Variants in TMEM182 observed in about 807,000 individuals in gnomAD.
TMEM182 encodes transmembrane protein 182.
Under a neutral mutation model 26.8 loss-of-function variants are expected in TMEM182, and 20 were observed. The ratio of observed to expected loss-of-function variants is 0.75; its 90% CI spans 0.53 to 1.09. TMEM182 has a LOEUF of 1.09. TMEM182 is among the 50% of genes least tolerant of loss of function. TMEM182 has a pLI of 0.00. For missense variants in TMEM182, 277 were observed against 275.5 expected (o/e 1.01, Z -0.04); for synonymous variants, 109 against 102.2 (o/e 1.07, Z -0.40).
At chr2:102,788,714 T>G (rs1340260083) in intron 3 of TMEM182, among the ~76,000 whole-genome samples, 1 of 151,990 alleles carries the variant, frequency 6.6e-6, no homozygotes, top group Non-Finnish European at 1.5e-5. Context: ...GGACTCAAGG[T>G]CACTGCCAGA....
chr2:102,805,267 G>A (rs1682304298), intron 4 of TMEM182, among the ~76,000 whole-genome samples: 1 of 152,178 alleles, frequency 6.6e-6, no homozygotes, highest in African/African-American at 2.4e-5. Flanking sequence ...GCACTAATAT[G>A]GGAGAAAATG....
intron 3 of TMEM182, among the ~76,000 whole-genome samples, chr2:102,828,712 C>T (rs962399454): frequency 1.3e-5 from 2 of 152,168 alleles, no homozygotes; most frequent in Admixed American, 6.5e-5. Flanking sequence ...CCACACTAGG[C>T]TACCCCACAA....
At chr2:102,798,917 A>G (rs1681995477) in intron 4 of TMEM182, among the ~76,000 whole-genome samples, 1 of 152,218 alleles carries the variant, frequency 6.6e-6, no homozygotes, top group Non-Finnish European at 1.5e-5. Context: ...GCTTGCATTT[A>G]TTTTAGTTAG....
chr2:102,828,498 A>C (rs1441227734), intron 3 of TMEM182, among the ~76,000 whole-genome samples: 1 of 152,240 alleles, frequency 6.6e-6, no homozygotes, highest in African/African-American at 2.4e-5. Context: ...CTTTGCAAAA[A>C]AAGTCATTAG....
chr2:102,790,240 T>C (rs2732811), intron 3 of TMEM182, among the ~76,000 whole-genome samples: 118,100 of 152,202 alleles, frequency 0.78, 46,323 homozygotes, highest in African/African-American at 0.86. Flanking sequence ...TGCCCATTTG[T>C]TAAGCAAGCC....
chr2:102,790,416 A>G (rs913966091), intron 3 of TMEM182, among the ~76,000 whole-genome samples: 2 of 152,124 alleles, frequency 1.3e-5, no homozygotes, highest in Non-Finnish European at 2.9e-5. Flanking sequence ...TTTTTACTCT[A>G]TTTCTCTGGA....
intron 4 of TMEM182, among the ~76,000 whole-genome samples, chr2:102,802,863 A>G (rs1682205683): frequency 6.6e-6 from 1 of 152,240 alleles, no homozygotes; most frequent in Non-Finnish European, 1.5e-5. Flanking sequence ...ACATCAAGCT[A>G]GAAACATTTT....
intron 3 of TMEM182, among the ~76,000 whole-genome samples, chr2:102,774,737 G>T (rs1680836489): frequency 6.6e-6 from 1 of 151,948 alleles, no homozygotes; most frequent in Non-Finnish European, 1.5e-5. Flanking sequence ...AGTTGCTTTT[G>T]CATTTTTGTC....
rs374034571 is a variant in TMEM182 at position 102,753,727 on chromosome 2, A to G, written c.-82-4662A>G. ...AACAACTGACTGTAATGTTCGTTGG[A>G]ATGCAAATTTTGCCTATGGCCAGCA... On this transcript the variant is annotated intron_variant, in intron 1 of 5. Coordinates refer to the TMEM182 transcript ENST00000409173. 7.4e-4 allele frequency among the ~76,000 whole-genome samples: 113 copies of G among 152,292 alleles called. 1 individual carries two copies. The highest frequency in any genetic ancestry group is 2.6e-3 in the African/African-American group (108 of 41,568).
chr2:102,807,544 T>C (rs1327985663), intron 4 of TMEM182, among the ~76,000 whole-genome samples: 3 of 152,256 alleles, frequency 2.0e-5, no homozygotes, highest in Non-Finnish European at 2.9e-5. Context: ...TCAGAAAGAT[T>C]GTCTAAATAT....
intron 4 of TMEM182, among the ~76,000 whole-genome samples, chr2:102,809,880 G>A (rs945747538): frequency 3.9e-5 from 6 of 152,164 alleles, no homozygotes; most frequent in African/African-American, 1.4e-4. Flanking sequence ...TTCATAATGA[G>A]TGTTTTGACT....
At chr2:102,834,183 T>G (rs1683199467) in intron 3 of TMEM182, among the ~76,000 whole-genome samples, 1 of 152,162 alleles carries the variant, frequency 6.6e-6, no homozygotes, top group East Asian at 1.9e-4. Context: ...TCTAAATATA[T>G]CTCTGGCAAT....
chr2:102,815,957 G>T lies in TMEM182; in HGVS notation c.*989G>T, dbSNP rs1405162773. ...ATTAACTTTCCCCAAGATGTTATGG[G>T]TTCCAGTTCTTCTGATCATTTGATT... On this transcript the variant is annotated 3_prime_UTR_variant, in exon 5 of 5. Coordinates refer to ENST00000412401, the MANE Select transcript of TMEM182 (RefSeq NM_144632.5). 5.1e-6 allele frequency: 5 copies of T among 984,238 alleles called. No homozygotes were observed. Among genetic ancestry groups the T allele is most frequent in the Non-Finnish European group, 6.0e-6 (5 of 828,956 alleles). The allele number at this position is 984,238 out of a possible 1,614,324, so 61.0% of individuals were successfully genotyped here.
chr2:102,833,925 G>A (rs1683195695), intron 3 of TMEM182, among the ~76,000 whole-genome samples: 1 of 152,152 alleles, frequency 6.6e-6, no homozygotes, highest in East Asian at 1.9e-4. Context: ...CCTATTTCTG[G>A]TGATGGCACC....
intron 3 of TMEM182, among the ~76,000 whole-genome samples, chr2:102,778,435 A>AT (rs1389998674): frequency 2.0e-5 from 3 of 151,954 alleles, no homozygotes; most frequent in South Asian, 2.1e-4. Flanking sequence ...TAATTGGGTG[A>AT]TTTTTTTATA....
rs575641354 is a variant in TMEM182 at position 102,813,449 on chromosome 2, G to C, written c.470-1299G>C. 5.9e-5 allele frequency among the ~76,000 whole-genome samples: 9 copies of C among 152,302 alleles called. No individual in the cohort carries two copies. In the South Asian group the frequency reaches 1.9e-3, roughly 32 times the overall value. On this transcript the variant is annotated intron_variant, in intron 4 of 4. Transcript: ENST00000412401. The stretch of plus-strand genomic sequence containing the variant: ...GACTATGGAGATTTTATACCTAACA[G>C]TTCAACTCATTAATTCAATGAGTGT...
chr2:102,815,047 C>A lies in TMEM182; in HGVS notation c.*79C>A. On this transcript the variant is annotated 3_prime_UTR_variant, in exon 5 of 5. Transcript: ENST00000412401. ...TTTTTCCATTTTGTTTCATTGATCC[C>A]AGCATAAAGTTAGTAGATATAACTT... 6.5e-7 allele frequency: 1 copy of A among 1,544,160 alleles called. No individual in the cohort carries two copies. The highest frequency in any genetic ancestry group is 2.3e-5 in the East Asian group (1 of 43,520).
intron 3 of TMEM182, among the ~76,000 whole-genome samples, chr2:102,765,429 TA>T (rs1376480705): frequency 2.6e-5 from 4 of 152,046 alleles, no homozygotes; most frequent in African/African-American, 9.7e-5. Context: ...TAGTATGGGG[TA>T]GGGGGTAATC....
chr2:102,765,605 TTTTTCATCTTCC>T (rs1558759500), intron 3 of TMEM182, among the ~76,000 whole-genome samples: 1 of 152,188 alleles, frequency 6.6e-6, no homozygotes, highest in Non-Finnish European at 1.5e-5. Context: ...CATGGAACTA[TTTTTCATCTTCC>T]TGTTAAATAT....
Sources: allele counts gnomAD v4.1 joint callset (sites outside exome capture counted in the v4.1 genomes callset), GRCh38; gene constraint gnomAD v4.1.1; transcripts MANE v1.5; gene names NCBI Gene and HGNC (gene_info 2026-07-23, HGNC 2026-07-21).